The following SHISA7 variants were observed in gnomAD, a reference collection of about 807,000 sequenced individuals.
The protein encoded by SHISA7 is shisa family member 7, also known as protein shisa-7.
SHISA7 carries 6 observed loss-of-function variants against 23.9 expected under a neutral mutation model. The observed-to-expected ratio is 0.25, with a 90% CI of 0.14 to 0.50. SHISA7 has a LOEUF of 0.50. SHISA7 is among the 20% of genes least tolerant of loss of function. The pLI is 0.98. For synonymous variants in SHISA7, 386 were observed against 398.3 expected (o/e 0.97, Z 0.37); for missense variants, 671 against 801.1 (o/e 0.84, Z 1.96).
chr19:55,433,205 T>C lies in SHISA7; in HGVS notation c.1568A>G (p.His523Arg). The C allele has an allele frequency of 1.3e-6, 2 of 1,529,164 alleles. No homozygotes were observed. Among genetic ancestry groups the C allele is most frequent in the Non-Finnish European group, 1.7e-6 (2 of 1,143,312 alleles). The allele number at this position is 1,529,164 out of a possible 1,614,324, so 94.7% of individuals were successfully genotyped here. The change falls in exon 4 of 4, where the codon CAC becomes CGC. Residue 523 changes from histidine (H) to arginine (R), a missense_variant. His to Arg is a conservative substitution (Grantham distance 29, BLOSUM62 0). Coordinates refer to ENST00000376325, the MANE Select transcript of SHISA7 (RefSeq NM_001145176.2). The surrounding 1 kb of genome is among the most constrained non-coding windows in gnomAD (Gnocchi z 8.4). ...LEQLQFIPGH[H>R]LPQHLRTASK... ...GGCCGTGCGCAGGTGCTGGGGCAGG[T>C]GGTGGCCCGGGATGAACTGCAGCTG...
At chr19:55,435,712 C>G (rs968382905) in intron 3 of SHISA7, among the ~76,000 whole-genome samples, 3 of 150,450 alleles carry the variant, frequency 2.0e-5, no homozygotes, top group African/African-American at 7.3e-5. Context: ...TGCAGTGAGC[C>G]ATGATTACAC....
chr19:55,437,785 TC>T (rs1208378792), intron 2 of SHISA7, 31 bp from the exon 3 acceptor site: 191 of 1,537,140 alleles, frequency 1.2e-4, no homozygotes, highest in Middle Eastern at 5.1e-4. Flanking sequence ...CCAGGGTCAG[TC>T]AGCTTCCTCC....
In SHISA7 at chr19:55,441,294, AGCCCCGTACACTC is replaced by A. The variant is rs1487945739; in HGVS notation, c.672-542_672-530del. Among the ~76,000 whole-genome samples the A allele has an allele frequency of 4.6e-5, 7 of 152,038 alleles. No individual in the cohort carries two copies. In the East Asian group the frequency reaches 1.4e-3, roughly 29 times the overall value. On this transcript the variant is annotated intron_variant, in intron 1 of 3. Coordinates refer to ENST00000376325, the MANE Select transcript of SHISA7 (RefSeq NM_001145176.2). Reference sequence around the variant, plus strand: ...TCACGGGTCTCCCCACTCCCACCCTAGCCCCGTACACTCCAGTCTCACGCGCAGCCCGCATAAT... The same window carrying A: ...TCACGGGTCTCCCCACTCCCACCCTACAGTCTCACGCGCAGCCCGCATAAT...
chr19:55,439,072 C>CCA lies in SHISA7; in HGVS notation c.827-1320_827-1319dup, dbSNP rs554531204. On this transcript the variant is annotated intron_variant, in intron 2 of 3. Transcript: ENST00000376325. ...CAGCCTCACCGAGGTAACTGCCCTT[C>CCA]CACTGCTCAACAGCCTTCCCATTGG... Among the ~76,000 whole-genome samples the CCA allele has an allele frequency of 1.8e-4, 27 of 152,314 alleles. 1 individual carries two copies. The South Asian group carries it at 5.4e-3, about 30-fold the overall frequency.
rs368885389 is a variant in SHISA7, at chr19:55,433,659, G to A, written c.1114C>T (p.Leu372=). The change falls in exon 4 of 4, where the codon CTG becomes TTG. Residue 372 remains leucine, a synonymous_variant. Coordinates refer to ENST00000376325, the MANE Select transcript of SHISA7 (RefSeq NM_001145176.2). The surrounding 1 kb of genome is among the most constrained non-coding windows in gnomAD (Gnocchi z 8.4). ...RMEAWGGPEE[L]GLAPAPNPRR... is the part of the protein sequence containing the mutation. ...GGGTTGGGCGCGGGCGCCAGGCCCA[G>A]CTCCTCTGGGCCGCCCCAGGCCTCC... 2.7e-6 allele frequency: 4 copies of A among 1,486,762 alleles called. No individual in the cohort carries two copies. The highest frequency in any genetic ancestry group is 5.8e-5 in the East Asian group (2 of 34,480). The allele number at this position is 1,486,762 out of a possible 1,614,324, so 92.1% of individuals were successfully genotyped here.
chr19:55,442,858 C>T lies in SHISA7; in HGVS notation c.6G>A (p.Pro2=), dbSNP rs1224473666. The change falls in exon 1 of 4, where the codon CCG becomes CCA. Residue 2 remains proline (P), a synonymous_variant. Coordinates refer to ENST00000376325, the MANE Select transcript of SHISA7 (RefSeq NM_001145176.2). M[P]ALLLLVLLAS... ...CCAGGAGTACGAGGAGCAGGAGGGC[C>T]GGCATGGGGCTTGCAGGGGGTCGCA... The T allele has an allele frequency of 2.2e-6, 3 of 1,375,936 alleles. No homozygotes were observed. Among genetic ancestry groups the T allele is most frequent in the East Asian group, 6.2e-5 (2 of 32,370 alleles). 85.2% of individuals were successfully genotyped at this position (1,375,936 alleles called of 1,614,324 possible).
chr19:55,437,817 C>A, intron 2 of SHISA7, 63 bp from the exon 3 acceptor site: 2 of 1,493,868 alleles, frequency 1.3e-6, no homozygotes, highest in Non-Finnish European at 1.8e-6. Flanking sequence ...GGAGTCCAGG[C>A]CCCCAGCCCC....
chr19:55,434,561 GTGGTGTGTGTGTA>G lies in SHISA7; in HGVS notation c.977-778_977-766del, dbSNP rs1395674178. 8.2e-5 allele frequency among the ~76,000 whole-genome samples: 11 copies of G among 133,468 alleles called. No homozygotes were observed. In the East Asian group the frequency reaches 1.2e-3, roughly 15 times the overall value. 87.6% of individuals were successfully genotyped at this position (133,468 alleles called of 152,430 possible). The stretch of plus-strand genomic sequence containing the variant: ...GTGTGGTTGTGTGTGTATGGTGTGT[GTGGTGTGTGTGTA>G]TGGTGTGTGTGTGGTGTGTGTGTGG... On this transcript the variant is annotated intron_variant, in intron 3 of 3. Coordinates refer to ENST00000376325, the MANE Select transcript of SHISA7 (RefSeq NM_001145176.2).
At chr19:55,440,317 G>C (rs953976483) in intron 2 of SHISA7, among the ~76,000 whole-genome samples, 1 of 152,220 alleles carries the variant, frequency 6.6e-6, no homozygotes, top group South Asian at 2.1e-4. Flanking sequence ...TTGGCTGTTA[G>C]GTGGTCTGAC....
At position 55,429,003 on chromosome 19, in the gene SHISA7, A is replaced by T. The variant is rs1985101311; in HGVS notation, c.*4153T>A. ...CTTGTGTATGCATGGGTTTGTGTGC[A>T]TTTGCATTTGTTGGGGCATGGGGAA... On this transcript the variant is annotated 3_prime_UTR_variant, in exon 4 of 4. Coordinates refer to ENST00000376325, the MANE Select transcript of SHISA7 (RefSeq NM_001145176.2). 6.6e-6 allele frequency: 1 copy of T among 152,310 alleles called. No individual in the cohort carries two copies. Among genetic ancestry groups the T allele is most frequent in the Non-Finnish European group, 1.5e-5 (1 of 68,226 alleles). The allele number at this position is 152,310 out of a possible 1,614,324, so 9.4% of individuals were successfully genotyped here.
At chr19:55,440,551 T>C (rs1985574012) in intron 2 of SHISA7, 60 bp downstream of exon 2, 1 of 1,245,002 alleles carries the variant, frequency 8.0e-7, no homozygotes. Context: ...AGGGCGGGGC[T>C]ACATGATGAA....
rs1192078131 is a variant in SHISA7 at position 55,433,058 on chromosome 19, T to G, written c.*98A>C. On this transcript the variant is annotated 3_prime_UTR_variant, in exon 4 of 4. Transcript: ENST00000376325. This position sits in a 1 kb window ranked among gnomAD's most constrained non-coding sequence, Gnocchi z 8.4. ...TTTCACTCCTGTCCAAGGGCCGATC[T>G]GGGCCCCAGGCCCCTGGCATGTGTG... is the stretch of plus-strand genomic sequence containing the variant. 2.0e-5 allele frequency: 28 copies of G among 1,371,542 alleles called. No individual in the cohort carries two copies. In the East Asian group the frequency reaches 8.5e-4, roughly 42 times the overall value. The allele number at this position is 1,371,542 out of a possible 1,614,324, so 85.0% of individuals were successfully genotyped here.
At position 55,429,056 on chromosome 19, in the gene SHISA7, G is replaced by C. The variant is rs1473823382; in HGVS notation, c.*4100C>G. ...CTCAGATGACGAGGTCCCAGCTCAA[G>C]ACATGTGGAGGGGAATTGTCAGTAC... On this transcript the variant is annotated 3_prime_UTR_variant, in exon 4 of 4. Transcript: ENST00000376325. The C allele has an allele frequency of 1.3e-5, 2 of 152,398 alleles. No homozygotes were observed. The highest frequency in any genetic ancestry group is 2.1e-4 in the South Asian group (1 of 4,834). The allele number at this position is 152,398 out of a possible 1,614,324, so 9.4% of individuals were successfully genotyped here. A position where few individuals can be genotyped will look rare whatever the true frequency, so the allele number is the denominator to read the frequency against.
intron 3 of SHISA7, among the ~76,000 whole-genome samples, chr19:55,434,005 C>G (rs975898158): frequency 6.6e-6 from 1 of 152,090 alleles, no homozygotes; most frequent in African/African-American, 2.4e-5. Context: ...CTTCTTCCCC[C>G]CCGCGCCGCC....
chr19:55,433,024 G>T lies in SHISA7; in HGVS notation c.*132C>A. ...GAATCTTGTCTGCCAGGACATCCCA[G>T]AAGGAGGCTTTCACTCCTGTCCAAG... On this transcript the variant is annotated 3_prime_UTR_variant, in exon 4 of 4. Coordinates refer to ENST00000376325, the MANE Select transcript of SHISA7 (RefSeq NM_001145176.2). This position sits in a 1 kb window ranked among gnomAD's most constrained non-coding sequence, Gnocchi z 8.4. 1.8e-6 allele frequency: 2 copies of T among 1,120,762 alleles called. No individual in the cohort carries two copies. Among genetic ancestry groups the T allele is most frequent in the Non-Finnish European group, 2.4e-6 (2 of 838,792 alleles). 69.4% of individuals were successfully genotyped at this position (1,120,762 alleles called of 1,614,324 possible). A position where few individuals can be genotyped will look rare whatever the true frequency, so the allele number is the denominator to read the frequency against.
Position 55,433,065 on chromosome 19 carries a change from C to G in SHISA7, c.*91G>C. 1 of 1,395,672 alleles carries G rather than the reference C, an allele frequency of 7.2e-7. No individual in the cohort carries two copies. Among genetic ancestry groups the G allele is most frequent in the Middle Eastern group, 2.5e-4 (1 of 3,966 alleles). The allele number at this position is 1,395,672 out of a possible 1,614,324, so 86.5% of individuals were successfully genotyped here. ...CCTGTCCAAGGGCCGATCTGGGCCCCAGGCCCCTGGCATGTGTGCGCCTGT... is the reference window on the plus strand; with the variant it reads ...CCTGTCCAAGGGCCGATCTGGGCCCGAGGCCCCTGGCATGTGTGCGCCTGT... On this transcript the variant is annotated 3_prime_UTR_variant, in exon 4 of 4. Transcript: ENST00000376325. This position sits in a 1 kb window ranked among gnomAD's most constrained non-coding sequence, Gnocchi z 8.4.
At chr19:55,436,763 G>A (rs1362502045) in intron 3 of SHISA7, among the ~76,000 whole-genome samples, 4 of 152,046 alleles carry the variant, frequency 2.6e-5, no homozygotes, top group African/African-American at 9.7e-5. Flanking sequence ...ACAAAAATTA[G>A]CCAGGCATGG....
At chr19:55,438,357 A>G (rs1985517607) in intron 2 of SHISA7, among the ~76,000 whole-genome samples, 1 of 152,110 alleles carries the variant, frequency 6.6e-6, no homozygotes, top group Admixed American at 6.5e-5. Context: ...TCCATCAACA[A>G]TGTGGGAGAG....
rs35561645 is a variant in SHISA7 at position 55,436,603 on chromosome 19, CAAAAAAAA to C, written c.976+994_976+1001del. On this transcript the variant is annotated intron_variant, in intron 3 of 3. Transcript: ENST00000376325. Reference sequence around the variant, plus strand: ...GAGCGACAAGAGTGAGACTCTGTCTCAAAAAAAAAAAAAAAAAGTTTCTGGCTGGGTAT... The same window carrying C: ...GAGCGACAAGAGTGAGACTCTGTCTCAAAAAAAAAGTTTCTGGCTGGGTAT... 2.6e-5 allele frequency among the ~76,000 whole-genome samples: 3 copies of C among 114,634 alleles called. No individual in the cohort carries two copies. The Admixed American group carries it at 2.8e-4, about 11-fold the overall frequency. The allele number at this position is 114,634 out of a possible 152,430, so 75.2% of individuals were successfully genotyped here. A position where few individuals can be genotyped will look rare whatever the true frequency, so the allele number is the denominator to read the frequency against.
Sources: allele counts gnomAD v4.1 joint callset (sites outside exome capture counted in the v4.1 genomes callset), GRCh38; gene constraint gnomAD v4.1.1; non-coding constraint Gnocchi (gnomAD v3.1); transcripts MANE v1.5; gene names NCBI Gene and HGNC (gene_info 2026-07-23, HGNC 2026-07-21).